Variants in SLC5A4 observed in about 807,000 individuals in gnomAD.
SLC5A4 encodes the protein probable glucose sensor protein SLC5A4.
In SLC5A4, 55 loss-of-function variants were observed where a neutral mutation model predicts 70.3. The ratio of observed to expected loss-of-function variants is 0.78; its 90% CI spans 0.63 to 0.98. SLC5A4 has a LOEUF of 0.98. Among genes scored for constraint, SLC5A4 ranks in the 50% least tolerant of loss-of-function variants. SLC5A4 has a pLI of 0.00. For missense variants in SLC5A4, 735 were observed against 839.2 expected, an observed-to-expected ratio of 0.88 and a Z score of 1.53; for synonymous variants, 268 against 305.7, an observed-to-expected ratio of 0.88 and a Z score of 1.29.
At chr22:32,310,227 A>G in the SLC5A4 span, among the ~76,000 whole-genome samples, 3 of 152,258 alleles carry the variant, frequency 2.0e-5, no homozygotes, top group South Asian at 4.2e-4. Context: ...CCTTTTTGGC[A>G]GAGTAAGCAC....
the SLC5A4 span, among the ~76,000 whole-genome samples, chr22:32,343,884 T>C: frequency 2.0e-5 from 3 of 152,234 alleles, no homozygotes; most frequent in African/African-American, 4.8e-5. Flanking sequence ...GTTTGTTATA[T>C]TGAACTCATC....
chr22:32,319,305 T>C, the SLC5A4 span, among the ~76,000 whole-genome samples: 1 of 148,960 alleles, frequency 6.7e-6, no homozygotes, highest in South Asian at 2.1e-4. Context: ...CACCATCAGC[T>C]CTCTTGGGTC....
chr22:32,337,270 T>A, the SLC5A4 span, among the ~76,000 whole-genome samples: 5 of 152,194 alleles, frequency 3.3e-5, no homozygotes, highest in African/African-American at 1.2e-4. Context: ...AGAAACACAT[T>A]GGCTGTAATC....
rs1178369845 is a variant in SLC5A4 at position 32,254,035 on chromosome 22, C to A, written c.207+107G>T. 2.0e-5 allele frequency: 17 copies of A among 865,286 alleles called. No homozygotes were observed. In the East Asian group the frequency reaches 3.9e-4, roughly 20 times the overall value. 53.6% of individuals were successfully genotyped at this position (865,286 alleles called of 1,614,324 possible). A position where few individuals can be genotyped will look rare whatever the true frequency, so the allele number is the denominator to read the frequency against. ...ACCTCAGATGATCTGCCAGCCTTGGCCTCCCAAAGTGCTGGGATTACAGGC... is the reference window on the plus strand; with the variant it reads ...ACCTCAGATGATCTGCCAGCCTTGGACTCCCAAAGTGCTGGGATTACAGGC... On this transcript the variant is annotated intron_variant, in intron 2 of 14. Transcript: ENST00000266086.
the SLC5A4 span, among the ~76,000 whole-genome samples, chr22:32,305,781 C>A: frequency 6.6e-6 from 1 of 151,422 alleles, no homozygotes; most frequent in Admixed American, 6.6e-5. Context: ...AGGCACATGG[C>A]ATGTCACACC....
chr22:32,350,076 G>A, the SLC5A4 span, among the ~76,000 whole-genome samples: 1 of 152,148 alleles, frequency 6.6e-6, no homozygotes, highest in African/African-American at 2.4e-5. Context: ...ACTTCTTGGG[G>A]GTCCATGAGG....
the SLC5A4 span, among the ~76,000 whole-genome samples, chr22:32,337,159 C>T: frequency 6.6e-6 from 1 of 152,200 alleles, no homozygotes; most frequent in East Asian, 1.9e-4. Context: ...ATGAATTGGC[C>T]TCCCAGGACC....
the SLC5A4 span, among the ~76,000 whole-genome samples, chr22:32,329,686 T>G: frequency 1.1e-4 from 3 of 26,848 alleles, no homozygotes; most frequent in African/African-American, 6.1e-4. Flanking sequence ...GGGGCTCTGG[T>G]GTGTGTGTGT....
the SLC5A4 span, among the ~76,000 whole-genome samples, chr22:32,340,244 G>A: frequency 2.0e-5 from 3 of 152,208 alleles, no homozygotes; most frequent in Admixed American, 2.0e-4. Flanking sequence ...TTAGCTCAGT[G>A]AGCCCTCAAC....
the SLC5A4 span, among the ~76,000 whole-genome samples, chr22:32,265,382 T>C: frequency 7.2e-4 from 109 of 152,092 alleles, 1 homozygote; most frequent in Middle Eastern, 0.014. Flanking sequence ...AGCAAGACCC[T>C]GTCTCAAGAA....
At chr22:32,322,449 A>G in the SLC5A4 span, among the ~76,000 whole-genome samples, 147,082 of 152,214 alleles carry the variant, frequency 0.97, 71,077 homozygotes, top group East Asian at 1. Flanking sequence ...GCCAGAGGCA[A>G]TGGTGCACAC....
the SLC5A4 span, among the ~76,000 whole-genome samples, chr22:32,339,774 C>G: frequency 3.3e-5 from 5 of 152,186 alleles, no homozygotes; most frequent in Admixed American, 6.5e-5. Flanking sequence ...CGTTTAAACC[C>G]CTGCCTGGTA....
At chr22:32,332,683 C>A in the SLC5A4 span, among the ~76,000 whole-genome samples, 3 of 152,156 alleles carry the variant, frequency 2.0e-5, no homozygotes, top group African/African-American at 7.2e-5. Context: ...TCACTTGTAG[C>A]CTGCCTTCCT....
the SLC5A4 span, among the ~76,000 whole-genome samples, chr22:32,341,650 T>C: frequency 6.6e-6 from 1 of 152,166 alleles, no homozygotes; most frequent in Non-Finnish European, 1.5e-5. Flanking sequence ...ACCTACCAAA[T>C]GCTTCTTGCC....
chr22:32,265,205 G>A, the SLC5A4 span, among the ~76,000 whole-genome samples: 3 of 152,150 alleles, frequency 2.0e-5, no homozygotes, highest in Admixed American at 2.0e-4. Context: ...TGGCAATATA[G>A]TGAGATCCTC....
chr22:32,271,386 T>C, the SLC5A4 span: 12 of 758,498 alleles, frequency 1.6e-5, no homozygotes, highest in Non-Finnish European at 4.7e-6. Flanking sequence ...GAGCACACCT[T>C]ACCTGCTGGT....
At chr22:32,317,133 A>C in the SLC5A4 span, among the ~76,000 whole-genome samples, 1 of 152,236 alleles carries the variant, frequency 6.6e-6, no homozygotes, top group Admixed American at 6.5e-5. Flanking sequence ...AGACCAAACC[A>C]AACTTTGCCA....
At chr22:32,268,036 A>G in the SLC5A4 span, among the ~76,000 whole-genome samples, 2 of 152,188 alleles carry the variant, frequency 1.3e-5, no homozygotes, top group East Asian at 3.9e-4. Flanking sequence ...AGGCAGGAGA[A>G]TGGCGTAAAC....
At chr22:32,281,751 G>A in the SLC5A4 span, among the ~76,000 whole-genome samples, 7 of 151,114 alleles carry the variant, frequency 4.6e-5, no homozygotes, top group South Asian at 2.1e-4. Flanking sequence ...TCAGCCTCCT[G>A]AAGTTCTAGT....
Sources: gnomAD v4.1 joint callset for allele counts (sites outside exome capture counted in the v4.1 genomes callset) on GRCh38, gnomAD v4.1.1 for gene constraint, MANE v1.5 for transcripts, NCBI Gene and HGNC (gene_info 2026-07-23, HGNC 2026-07-21) for gene names.